BNC2: variants seen among roughly 807,000 people sequenced by gnomAD.
BNC2 encodes basonuclin zinc finger protein 2.
In BNC2, 20 loss-of-function variants were observed where a neutral mutation model predicts 76.3. That is an observed-to-expected ratio of 0.26 (90% CI 0.18 to 0.38). The LOEUF (loss-of-function observed/expected upper bound fraction) is 0.38, where lower values mean the gene tolerates loss of function less well. BNC2 is among the 10% of genes least tolerant of loss of function. The probability of loss-of-function intolerance (pLI) is 1.00; values close to 1 mark genes in which losing one functional copy is unlikely to be tolerated. For missense variants in BNC2, 1,382 were observed against 1,399.8 expected (o/e 0.99, Z 0.20); for synonymous variants, 582 against 514.8 (o/e 1.13, Z -1.77).
rs755684997 is a variant in BNC2 at position 16,630,749 on chromosome 9, C to CTTTTTTTTT, written c.331-47665_331-47664insAAAAAAAAA. On this transcript the variant is annotated intron_variant, in intron 3 of 6. Coordinates refer to ENST00000380672, the MANE Select transcript of BNC2 (RefSeq NM_017637.6). ...TATTATTTAAAAATGTGGAGCGTTTCTTTTTTTGAAACAGAGTTTCACTCT... is the reference window on the plus strand; with the variant it reads ...TATTATTTAAAAATGTGGAGCGTTTCTTTTTTTTTTTTTTTTGAAACAGAGTTTCACTCT... Among the ~76,000 whole-genome samples the CTTTTTTTTT allele has an allele frequency of 5.7e-5, 8 of 140,192 alleles. 1 individual carries two copies. The highest frequency in any genetic ancestry group is 1.1e-4 in the African/African-American group (4 of 35,684). 92.0% of individuals were successfully genotyped at this position (140,192 alleles called of 152,430 possible).
chr9:16,524,665 A>C (rs868548137), intron 5 of BNC2, among the ~76,000 whole-genome samples: 1 of 152,244 alleles, frequency 6.6e-6, no homozygotes, highest in African/African-American at 2.4e-5. Flanking sequence ...TAAAATAACA[A>C]TACAGTGGAA....
intron 3 of BNC2, among the ~76,000 whole-genome samples, chr9:16,650,255 A>G (rs968919945): frequency 1.3e-5 from 2 of 152,212 alleles, no homozygotes; most frequent in African/African-American, 4.8e-5. Context: ...ATTTTTAATA[A>G]GGAACAGAGG....
chr9:16,575,932 CA>C (rs1015403101), intron 4 of BNC2, among the ~76,000 whole-genome samples: 2 of 152,184 alleles, frequency 1.3e-5, no homozygotes, highest in African/African-American at 2.4e-5. Context: ...ACTAGAAAGA[CA>C]AATTCTTTAA....
intron 5 of BNC2, 104 bp from the exon 6 acceptor site, chr9:16,437,628 T>C: frequency 7.4e-7 from 1 of 1,354,904 alleles, no homozygotes; most frequent in East Asian, 2.5e-5. Flanking sequence ...CATAAAACAC[T>C]GAGCAAGAGC....
chr9:16,819,591 A>C (rs1818267327), intron 1 of BNC2, among the ~76,000 whole-genome samples: 1 of 152,018 alleles, frequency 6.6e-6, no homozygotes, highest in African/African-American at 2.4e-5. Context: ...CAGGAGGTGG[A>C]GGTTGCAGTG....
At chr9:16,737,385 G>A (rs923382027) in intron 2 of BNC2, among the ~76,000 whole-genome samples, 2 of 151,304 alleles carry the variant, frequency 1.3e-5, no homozygotes, top group Non-Finnish European at 2.9e-5. Flanking sequence ...CGAGTAGCTG[G>A]GACTACAGGC....
intron 1 of BNC2, among the ~76,000 whole-genome samples, chr9:16,806,233 T>G (rs1270487718): frequency 6.6e-6 from 1 of 152,182 alleles, no homozygotes; most frequent in South Asian, 2.1e-4. Flanking sequence ...CCCAGCGTTC[T>G]GGGAGGCAAA....
chr9:16,779,873 G>T (rs936945461), intron 1 of BNC2, among the ~76,000 whole-genome samples: 1 of 152,082 alleles, frequency 6.6e-6, no homozygotes, highest in African/African-American at 2.4e-5. Flanking sequence ...TAAAGGGTAC[G>T]GGTTTCTTTT....
chr9:16,798,855 G>C (rs1023651225), intron 1 of BNC2, among the ~76,000 whole-genome samples: 1 of 151,792 alleles, frequency 6.6e-6, no homozygotes, highest in South Asian at 2.1e-4. Context: ...ACAAGTAATG[G>C]CAACAATGGT....
chr9:16,586,855 A>C lies in BNC2; in HGVS notation c.331-3770T>G, dbSNP rs879883682. Among the ~76,000 whole-genome samples, 4 of 152,050 alleles carry C rather than the reference A, an allele frequency of 2.6e-5. No homozygotes were observed. In the East Asian group the frequency reaches 5.8e-4, roughly 22 times the overall value. ...AGGAGAGACCCTAACTAAGAACATA[A>C]ATGAAACCCTTACACAGATTGGAGG... On this transcript the variant is annotated intron_variant, in intron 3 of 6. Coordinates refer to ENST00000380672, the MANE Select transcript of BNC2 (RefSeq NM_017637.6).
intron 1 of BNC2, among the ~76,000 whole-genome samples, chr9:16,759,246 T>C (rs977289931): frequency 1.3e-5 from 2 of 152,198 alleles, no homozygotes; most frequent in African/African-American, 4.8e-5. Context: ...CTAATTGCTT[T>C]TACTATTTTT....
intron 1 of BNC2, among the ~76,000 whole-genome samples, chr9:16,793,069 C>G (rs1817556416): frequency 6.6e-6 from 1 of 152,128 alleles, no homozygotes; most frequent in African/African-American, 2.4e-5. Flanking sequence ...GTTTTCTTAA[C>G]TAAAAGGGAA....
At chr9:16,651,616 T>C (rs1401181043) in intron 3 of BNC2, among the ~76,000 whole-genome samples, 2 of 152,170 alleles carry the variant, frequency 1.3e-5, no homozygotes, top group Non-Finnish European at 2.9e-5. Context: ...GTATTTATAA[T>C]ACAGCTTGCG....
At chr9:16,665,978 T>C (rs1421693438) in intron 3 of BNC2, among the ~76,000 whole-genome samples, 6 of 152,328 alleles carry the variant, frequency 3.9e-5, no homozygotes, top group African/African-American at 1.4e-4. Context: ...AAACTATCTT[T>C]AAAATTTTAT....
intron 3 of BNC2, among the ~76,000 whole-genome samples, chr9:16,713,274 T>A (rs1258601777): frequency 1.3e-5 from 2 of 152,106 alleles, no homozygotes; most frequent in South Asian, 4.1e-4. Context: ...CATAGACCTT[T>A]CAACAAATTG....
intron 5 of BNC2, among the ~76,000 whole-genome samples, chr9:16,472,750 T>C (rs1467446927): frequency 6.6e-6 from 1 of 152,166 alleles, no homozygotes; most frequent in Admixed American, 6.5e-5. Context: ...GCTCAATGAA[T>C]AGTAAATGAA....
intron 1 of BNC2, among the ~76,000 whole-genome samples, chr9:16,829,601 G>T (rs1017171660): frequency 6.6e-6 from 1 of 152,126 alleles, no homozygotes; most frequent in Non-Finnish European, 1.5e-5. Context: ...ATTCTCAGGG[G>T]TGTTTGCAAA....
chr9:16,506,507 TCTC>T (rs1176278741), intron 5 of BNC2, among the ~76,000 whole-genome samples: 4 of 122,538 alleles, frequency 3.3e-5, no homozygotes, highest in African/African-American at 6.0e-5. Context: ...TCTCTCTCTC[TCTC>T]CTCTTTTTTT....
At chr9:16,657,581 G>A (rs1006750093) in intron 3 of BNC2, among the ~76,000 whole-genome samples, 1 of 152,162 alleles carries the variant, frequency 6.6e-6, no homozygotes, top group African/African-American at 2.4e-5. Flanking sequence ...ACTGCCAGAT[G>A]GAAACAGAGG....
Sources: gnomAD v4.1 joint callset for allele counts (sites outside exome capture counted in the v4.1 genomes callset) on GRCh38, gnomAD v4.1.1 for gene constraint, MANE v1.5 for transcripts, NCBI Gene and HGNC (gene_info 2026-07-23, HGNC 2026-07-21) for gene names.